The following NMNAT2 variants were observed in gnomAD, a reference collection of about 807,000 sequenced individuals.
NMNAT2 encodes the protein nicotinamide/nicotinic acid mononucleotide adenylyltransferase 2.
In NMNAT2, 11 loss-of-function variants were observed where a neutral mutation model predicts 41.6. The ratio of observed to expected loss-of-function variants is 0.26; its 90% CI spans 0.17 to 0.44. The LOEUF (loss-of-function observed/expected upper bound fraction) is 0.44. Among genes scored for constraint, NMNAT2 ranks in the 20% least tolerant of loss-of-function variants. The pLI is 1.00. For missense variants in NMNAT2, 288 were observed against 407.7 expected, an observed-to-expected ratio of 0.71 and a Z score of 2.53; for synonymous variants, 148 against 151.2, an observed-to-expected ratio of 0.98 and a Z score of 0.16.
chr1:183,268,636 A>G (rs1018612038), intron 8 of NMNAT2, among the ~76,000 whole-genome samples: 2 of 152,250 alleles, frequency 1.3e-5, no homozygotes, highest in Non-Finnish European at 2.9e-5. Context: ...GAGCATGTAT[A>G]TGGTGAACTG....
rs1009322063 is a variant in NMNAT2, at chr1:183,249,938, A to G, written c.*2703T>C. The G allele has an allele frequency of 6.6e-6, 1 of 152,000 alleles. No homozygotes were observed. Among genetic ancestry groups the G allele is most frequent in the Non-Finnish European group, 1.5e-5 (1 of 68,040 alleles). 9.4% of individuals were successfully genotyped at this position (152,000 alleles called of 1,614,324 possible). ...CATCTCACTTTCCCTCCCCACTCCC[A>G]CATGCTTTCGGACTGCATGCTGAGA... On this transcript the variant is annotated 3_prime_UTR_variant, in exon 11 of 11. Coordinates refer to ENST00000287713, the MANE Select transcript of NMNAT2 (RefSeq NM_015039.4).
intron 8 of NMNAT2, among the ~76,000 whole-genome samples, chr1:183,269,748 A>G (rs1235059883): frequency 6.6e-6 from 1 of 152,226 alleles, no homozygotes; most frequent in African/African-American, 2.4e-5. Context: ...ACTCAGTGAG[A>G]TTTAATAACC....
intron 8 of NMNAT2, among the ~76,000 whole-genome samples, chr1:183,278,005 C>A (rs1661164318): frequency 6.6e-6 from 1 of 152,166 alleles, no homozygotes; most frequent in Non-Finnish European, 1.5e-5. Flanking sequence ...GGTTTGAGAT[C>A]ATCACAGTCA....
At chr1:183,281,895 CAGCG>C (rs943799954) in intron 7 of NMNAT2, among the ~76,000 whole-genome samples, 1 of 152,246 alleles carries the variant, frequency 6.6e-6, no homozygotes, top group Non-Finnish European at 1.5e-5. Context: ...AGTCGGGAGG[CAGCG>C]AGCTCCCTTC....
intron 1 of NMNAT2, among the ~76,000 whole-genome samples, chr1:183,336,472 A>G (rs537656799): frequency 1.2e-4 from 18 of 152,358 alleles, no homozygotes; most frequent in African/African-American, 3.8e-4. Context: ...GAGTATAGAG[A>G]GAATACTCTT....
chr1:183,401,512 C>A (rs879814108), intron 1 of NMNAT2, among the ~76,000 whole-genome samples: 4 of 152,158 alleles, frequency 2.6e-5, no homozygotes, highest in Non-Finnish European at 4.4e-5. Flanking sequence ...TGTGGCGATT[C>A]CTGAAGGATC....
chr1:183,279,171 G>A (rs1427176483), intron 7 of NMNAT2, among the ~76,000 whole-genome samples: 1 of 152,072 alleles, frequency 6.6e-6, no homozygotes, highest in East Asian at 1.9e-4. Context: ...CCCAGCAAAG[G>A]GCTTGAGAAG....
chr1:183,371,968 A>G (rs1281421149), intron 1 of NMNAT2, among the ~76,000 whole-genome samples: 1 of 151,900 alleles, frequency 6.6e-6, no homozygotes, highest in Non-Finnish European at 1.5e-5. Flanking sequence ...TTTTGTAGAG[A>G]TGGGTCTCAA....
rs71555406 is a variant in NMNAT2 at position 183,248,891 on chromosome 1, AGTGTGTGTGTGTGTGTGTGTGT to A, written c.*3728_*3749del. On this transcript the variant is annotated 3_prime_UTR_variant, in exon 11 of 11. Transcript: ENST00000287713. ...CTTCTCTCTCTTAGTCCCCTAAAAG[AGTGTGTGTGTGTGTGTGTGTGT>A]GTGTGTGTGTGTGTGTGTGTCAGTT... 1.3e-4 allele frequency: 18 copies of A among 142,744 alleles called. No homozygotes were observed. The highest frequency in any genetic ancestry group is 2.3e-4 in the Non-Finnish European group (15 of 65,170). The allele number at this position is 142,744 out of a possible 1,614,324, so 8.8% of individuals were successfully genotyped here. A position where few individuals can be genotyped will look rare whatever the true frequency, so the allele number is the denominator to read the frequency against.
Position 183,355,566 on chromosome 1 carries a change from A to G in NMNAT2, c.86-61773T>C, listed in dbSNP as rs867410174. Among the ~76,000 whole-genome samples the G allele has an allele frequency of 3.9e-5, 6 of 152,394 alleles. No individual in the cohort carries two copies. The Middle Eastern group carries it at 0.017, about 432-fold the overall frequency. ...TCTCCTTTACTTGAGTGAAAACTCC[A>G]TGAACTCATTGCCTGACACAGAGCA... On this transcript the variant is annotated intron_variant, in intron 1 of 10. Coordinates refer to ENST00000287713, the MANE Select transcript of NMNAT2 (RefSeq NM_015039.4).
At chr1:183,389,272 C>CT (rs1229925917) in intron 1 of NMNAT2, among the ~76,000 whole-genome samples, 1 of 152,172 alleles carries the variant, frequency 6.6e-6, no homozygotes, top group East Asian at 1.9e-4. Context: ...CCTTCTCACA[C>CT]TTGTCATCTC....
rs528523678 is a variant in NMNAT2 at position 183,270,152 on chromosome 1, G to A, written c.651+8401C>T. ...ACCCATCTCGGCCTCCCAAAGTTCT[G>A]GGATTACAGTAGTGAGCCACTGCAC... On this transcript the variant is annotated intron_variant, in intron 8 of 10. Coordinates refer to ENST00000287713, the MANE Select transcript of NMNAT2 (RefSeq NM_015039.4). Among the ~76,000 whole-genome samples the A allele has an allele frequency of 6.6e-5, 10 of 152,252 alleles. No individual in the cohort carries two copies. The South Asian group carries it at 1.7e-3, about 25-fold the overall frequency.
chr1:183,338,453 T>G (rs1476508189), intron 1 of NMNAT2, among the ~76,000 whole-genome samples: 1 of 152,220 alleles, frequency 6.6e-6, no homozygotes, highest in Non-Finnish European at 1.5e-5. Context: ...ATGTTCTGGT[T>G]TTCACTTACT....
At chr1:183,380,765 G>A (rs1244140789) in intron 1 of NMNAT2, among the ~76,000 whole-genome samples, 1 of 152,182 alleles carries the variant, frequency 6.6e-6, no homozygotes, top group Non-Finnish European at 1.5e-5. Context: ...AAGCAAGAGA[G>A]GTAGGCACTG....
At chr1:183,286,289 G>A (rs971593639) in intron 5 of NMNAT2, among the ~76,000 whole-genome samples, 2 of 151,676 alleles carry the variant, frequency 1.3e-5, no homozygotes, top group East Asian at 1.9e-4. Flanking sequence ...GTGGGGTTTC[G>A]TCATGTTGCC....
chr1:183,412,160 G>A (rs903594617), intron 1 of NMNAT2, among the ~76,000 whole-genome samples: 3 of 152,216 alleles, frequency 2.0e-5, no homozygotes, highest in African/African-American at 7.2e-5. Flanking sequence ...GGAGGATTTG[G>A]AGCAAAGGAG....
At chr1:183,397,534 C>A (rs1279033697) in intron 1 of NMNAT2, among the ~76,000 whole-genome samples, 1 of 151,974 alleles carries the variant, frequency 6.6e-6, no homozygotes, top group Admixed American at 6.6e-5. Flanking sequence ...CAAGGTAGGC[C>A]AACATTCAAA....
rs375354253 is a variant in NMNAT2, at chr1:183,266,820, A to G, written c.652-5517T>C. 7.2e-5 allele frequency: 13 copies of G among 180,966 alleles called. No homozygotes were observed. The East Asian group carries it at 8.6e-4, about 12-fold the overall frequency. 11.2% of individuals were successfully genotyped at this position (180,966 alleles called of 1,614,324 possible). The stretch of plus-strand genomic sequence containing the variant: ...TTCCATGGCCTGGATCTTACCCATG[A>G]CAAAATGCGTTCTATTGTCAAAAAA... On this transcript the variant is annotated intron_variant, in intron 8 of 10. Transcript: ENST00000287713.
At chr1:183,262,924 T>C (rs1392739612) in intron 8 of NMNAT2, among the ~76,000 whole-genome samples, 3 of 152,162 alleles carry the variant, frequency 2.0e-5, no homozygotes, top group African/African-American at 7.2e-5. Flanking sequence ...GGAACCCAGG[T>C]TTTTTCCCAT....
Sources: allele counts gnomAD v4.1 joint callset (sites outside exome capture counted in the v4.1 genomes callset), GRCh38; gene constraint gnomAD v4.1.1; transcripts MANE v1.5; gene names NCBI Gene and HGNC (gene_info 2026-07-23, HGNC 2026-07-21).